HECW2: variants seen among roughly 807,000 people sequenced by gnomAD.
The protein encoded by HECW2 is E3 ubiquitin-protein ligase HECW2.
A neutral mutation model predicts 175.2 loss-of-function variants in HECW2; 61 were observed. That is an observed-to-expected ratio of 0.35 (90% CI 0.28 to 0.43). The LOEUF (loss-of-function observed/expected upper bound fraction) is 0.43, where lower values mean the gene tolerates loss of function less well. Ranked by LOEUF, HECW2 falls within the 20% of genes least tolerant of loss-of-function variation. The probability of loss-of-function intolerance (pLI) is 1.00; values close to 1 mark genes in which losing one functional copy is unlikely to be tolerated. For synonymous variants in HECW2, 671 were observed against 731.0 expected (o/e 0.92, Z 1.32); for missense variants, 1,524 against 2,000.5 (o/e 0.76, Z 4.54).
chr2:196,305,146 G>T (rs1365753496), intron 13 of HECW2, among the ~76,000 whole-genome samples: 1 of 152,082 alleles, frequency 6.6e-6, no homozygotes, highest in Non-Finnish European at 1.5e-5. Context: ...CATTATAATT[G>T]CTCTCAAGTC....
chr2:196,405,599 C>A (rs565116724), intron 2 of HECW2, among the ~76,000 whole-genome samples: 46 of 152,304 alleles, frequency 3.0e-4, no homozygotes, highest in African/African-American at 1.1e-3. Context: ...CCCATCTGCT[C>A]ACACCTTCCC....
chr2:196,441,808 C>T (rs1696052858), intron 1 of HECW2, among the ~76,000 whole-genome samples: 1 of 152,142 alleles, frequency 6.6e-6, no homozygotes, highest in African/African-American at 2.4e-5. Context: ...TTCTACACAA[C>T]CTGCTAGGAA....
At chr2:196,378,126 G>A (rs1222840140) in intron 2 of HECW2, among the ~76,000 whole-genome samples, 1 of 152,178 alleles carries the variant, frequency 6.6e-6, no homozygotes, top group Non-Finnish European at 1.5e-5. Flanking sequence ...GAGCAGAGTG[G>A]TTAAAAACCC....
At chr2:196,301,780 T>G (rs544455290) in intron 13 of HECW2, among the ~76,000 whole-genome samples, 2 of 152,034 alleles carry the variant, frequency 1.3e-5, no homozygotes, top group African/African-American at 2.4e-5. Flanking sequence ...ACTCTGGACA[T>G]TAGACCTTTG....
intron 17 of HECW2, among the ~76,000 whole-genome samples, chr2:196,270,627 C>G (rs566848659): frequency 6.6e-6 from 1 of 152,048 alleles, no homozygotes; most frequent in Non-Finnish European, 1.5e-5. Flanking sequence ...CTAGGATAAA[C>G]GCTTGGCTTA....
intron 1 of HECW2, among the ~76,000 whole-genome samples, chr2:196,558,284 G>T (rs1689876457): frequency 1.3e-5 from 2 of 152,188 alleles, no homozygotes; most frequent in Admixed American, 1.3e-4. Flanking sequence ...GATAGAGAGA[G>T]AAAAGTAATG....
At chr2:196,207,807 G>C (rs183466680) in intron 28 of HECW2, among the ~76,000 whole-genome samples, 101 of 152,260 alleles carry the variant, frequency 6.6e-4, no homozygotes, top group Non-Finnish European at 1.3e-3. Context: ...AGTCTCATTA[G>C]GTCACTTTGG....
intron 1 of HECW2, among the ~76,000 whole-genome samples, chr2:196,491,501 T>TACACAC (rs56806806): frequency 7.9e-6 from 1 of 125,944 alleles, no homozygotes; most frequent in African/African-American, 2.8e-5. Context: ...TATATATATA[T>TACACAC]ACACACACAC....
intron 1 of HECW2, among the ~76,000 whole-genome samples, chr2:196,562,159 C>A (rs1690023519): frequency 6.6e-6 from 1 of 152,136 alleles, no homozygotes; most frequent in Admixed American, 6.6e-5. Flanking sequence ...GCAGAATATC[C>A]AAAGACAATG....
At chr2:196,403,965 G>A (rs1038350115) in intron 2 of HECW2, among the ~76,000 whole-genome samples, 3 of 152,140 alleles carry the variant, frequency 2.0e-5, no homozygotes, top group African/African-American at 7.2e-5. Context: ...GTGAAATTAT[G>A]TCACTGTGAG....
chr2:196,325,307 A>T (rs1485628185), intron 5 of HECW2, among the ~76,000 whole-genome samples, 158 bp from the exon 6 acceptor site: 41 of 152,008 alleles, frequency 2.7e-4, no homozygotes, highest in Admixed American at 2.7e-3. Flanking sequence ...TTAAATAAAC[A>T]CACAGGAGGC....
chr2:196,221,673 C>G (rs981027245), intron 24 of HECW2, among the ~76,000 whole-genome samples: 12 of 152,296 alleles, frequency 7.9e-5, no homozygotes, highest in African/African-American at 2.9e-4. Flanking sequence ...GACCCTCCCA[C>G]CTTGGCCTCC....
intron 2 of HECW2, among the ~76,000 whole-genome samples, chr2:196,428,568 TATTA>T (rs1367089116): frequency 3.3e-5 from 5 of 152,208 alleles, no homozygotes; most frequent in Admixed American, 3.3e-4. Context: ...ATTTTCATGT[TATTA>T]ATTACTCATT....
At chr2:196,584,057 C>G (rs1690889916) in intron 1 of HECW2, among the ~76,000 whole-genome samples, 2 of 152,164 alleles carry the variant, frequency 1.3e-5, no homozygotes, top group Non-Finnish European at 1.5e-5. Flanking sequence ...TACTGTCAAT[C>G]ACTGACAAGG....
chr2:196,307,191 C>T lies in HECW2; in HGVS notation c.2628G>A (p.Glu876=). The change falls in exon 12 of 29, where the codon GAG becomes GAA. Residue 876 remains glutamate (E), a synonymous_variant. Transcript: ENST00000644978. ...CCCCATCAATAGCATTGGTATTTTC[C>T]TCAGGCCTCTCATTGGTCATGGTTC... ...IRRTMTNERP[E]ENTNAIDGAG... is the part of the protein sequence containing the mutation. The T allele has an allele frequency of 6.2e-7, 1 of 1,613,934 alleles. No individual in the cohort carries two copies. Among genetic ancestry groups the T allele is most frequent in the Non-Finnish European group, 8.5e-7 (1 of 1,179,828 alleles).
At chr2:196,380,650 A>C (rs1193791693) in intron 2 of HECW2, among the ~76,000 whole-genome samples, 1 of 152,190 alleles carries the variant, frequency 6.6e-6, no homozygotes, top group African/African-American at 2.4e-5. Flanking sequence ...GCTGCCAGAC[A>C]TGTCAGGTAG....
intron 1 of HECW2, among the ~76,000 whole-genome samples, chr2:196,467,576 C>T (rs955094408): frequency 2.6e-5 from 4 of 152,226 alleles, no homozygotes; most frequent in Non-Finnish European, 5.9e-5. Context: ...GGGAACCCTA[C>T]ATGCAGGAAA....
intron 14 of HECW2, among the ~76,000 whole-genome samples, chr2:196,284,882 C>T (rs1362672153): frequency 1.3e-5 from 2 of 152,040 alleles, no homozygotes; most frequent in Non-Finnish European, 2.9e-5. Context: ...AAAAATAGAT[C>T]CTTTTCACAT....
At chr2:196,202,429 A>G (rs1005163312) in intron 28 of HECW2, among the ~76,000 whole-genome samples, 10 of 152,166 alleles carry the variant, frequency 6.6e-5, no homozygotes, top group African/African-American at 2.2e-4. Context: ...AGCTCTATCA[A>G]CAAGTGTGTG....
Sources: allele counts gnomAD v4.1 joint callset (sites outside exome capture counted in the v4.1 genomes callset), GRCh38; gene constraint gnomAD v4.1.1; transcripts MANE v1.5; gene names NCBI Gene and HGNC (gene_info 2026-07-23, HGNC 2026-07-21).